The following DCLK2 variants were observed in gnomAD, a reference collection of about 807,000 sequenced individuals.
DCLK2 encodes doublecortin like kinase 2, also known as serine/threonine-protein kinase DCLK2.
A neutral mutation model predicts 78.4 loss-of-function variants in DCLK2; 31 were observed. That is an observed-to-expected ratio of 0.40 (90% confidence interval 0.30 to 0.53). The LOEUF is 0.53. DCLK2 is among the 20% of genes least tolerant of loss of function. The pLI, the probability that DCLK2 is intolerant of heterozygous loss-of-function variation, is 0.61. For missense variants in DCLK2, 872 were observed against 973.7 expected (o/e 0.90, Z 1.39); for synonymous variants, 407 against 374.9 (o/e 1.09, Z -0.99).
chr4:150,250,264 C>G (rs1377792712), intron 15 of DCLK2, among the ~76,000 whole-genome samples: 1 of 152,074 alleles, frequency 6.6e-6, no homozygotes, highest in African/African-American at 2.4e-5. Flanking sequence ...TTTTTTCAGC[C>G]TTTTCTTCTT....
intron 2 of DCLK2, among the ~76,000 whole-genome samples, chr4:150,138,762 G>T (rs1733882359): frequency 6.6e-6 from 1 of 152,108 alleles, no homozygotes; most frequent in South Asian, 2.1e-4. Flanking sequence ...TGCCTCCTGG[G>T]TTCAAGCAAT....
At chr4:150,224,404 C>CAAAAAA in intron 7 of DCLK2, 97 bp from the exon 8 acceptor site, 1 of 916,118 alleles carries the variant, frequency 1.1e-6, no homozygotes, top group Non-Finnish European at 1.5e-6. Context: ...CTCATCTCTA[C>CAAAAAA]AAAAAAAAAA....
chr4:150,230,377 A>G (rs1741948039), intron 8 of DCLK2, among the ~76,000 whole-genome samples: 1 of 152,218 alleles, frequency 6.6e-6, no homozygotes, highest in South Asian at 2.1e-4. Context: ...TGAGGGGATT[A>G]TCTTACAGAT....
At chr4:150,248,181 G>T in intron 13 of DCLK2, 124 bp from the exon 14 acceptor site, 1 of 749,112 alleles carries the variant, frequency 1.3e-6, no homozygotes. Flanking sequence ...GTTTAGGTTT[G>T]AATCAGTTAG....
chr4:150,098,714 TGG>T (rs1730654910), intron 1 of DCLK2, among the ~76,000 whole-genome samples: 1 of 132,904 alleles, frequency 7.5e-6, no homozygotes. Context: ...TTTTTTTTTT[TGG>T]CAGAGTCTCA....
chr4:150,248,419 C>CTG, intron 14 of DCLK2, 34 bp downstream of exon 14: 1 of 1,559,570 alleles, frequency 6.4e-7, no homozygotes, highest in Non-Finnish European at 8.8e-7. Context: ...ATGGGCCTCA[C>CTG]TGTGCTCTGT....
At chr4:150,127,100 T>G (rs1732971655) in intron 2 of DCLK2, among the ~76,000 whole-genome samples, 1 of 152,206 alleles carries the variant, frequency 6.6e-6, no homozygotes. Flanking sequence ...GTATATGATC[T>G]CAATATATCT....
intron 1 of DCLK2, among the ~76,000 whole-genome samples, chr4:150,089,146 T>G (rs28661715): frequency 0.015 from 2,353 of 152,342 alleles, 53 homozygotes; most frequent in African/African-American, 0.054. Flanking sequence ...CAACCTGTAT[T>G]TCCCCTTCTC....
chr4:150,212,282 A>G (rs1009219772), intron 5 of DCLK2, among the ~76,000 whole-genome samples: 5 of 152,156 alleles, frequency 3.3e-5, no homozygotes, highest in African/African-American at 1.2e-4. Flanking sequence ...GATTTTCCAG[A>G]TTTGTGAAGT....
intron 2 of DCLK2, among the ~76,000 whole-genome samples, chr4:150,148,271 A>C (rs1428221246): frequency 6.6e-6 from 1 of 152,142 alleles, no homozygotes; most frequent in Admixed American, 6.5e-5. Flanking sequence ...GGGCTGAGGC[A>C]GGAGGATTGC....
chr4:150,161,517 A>G (rs1560822963), intron 2 of DCLK2, among the ~76,000 whole-genome samples: 1 of 152,210 alleles, frequency 6.6e-6, no homozygotes, highest in Non-Finnish European at 1.5e-5. Flanking sequence ...ATAATTTATA[A>G]GACATGAGAC....
At chr4:150,237,609 T>G (rs931833708) in intron 10 of DCLK2, among the ~76,000 whole-genome samples, 3 of 152,188 alleles carry the variant, frequency 2.0e-5, no homozygotes, top group African/African-American at 7.2e-5. Context: ...CCTGTAAAAC[T>G]TGGGGAATTA....
intron 2 of DCLK2, among the ~76,000 whole-genome samples, chr4:150,107,221 G>C (rs1304312025): frequency 6.6e-6 from 1 of 152,250 alleles, no homozygotes; most frequent in Non-Finnish European, 1.5e-5. Flanking sequence ...AGTGCTGCTT[G>C]TTTGAATAAA....
intron 2 of DCLK2, among the ~76,000 whole-genome samples, chr4:150,187,021 G>A (rs1002123607): frequency 6.6e-6 from 1 of 151,892 alleles, no homozygotes; most frequent in African/African-American, 2.4e-5. Flanking sequence ...TGTAATTTTA[G>A]CATAAAAATA....
Position 150,078,939 on chromosome 4 carries a change from G to A in DCLK2, c.-89G>A, listed in dbSNP as rs1399748310. ...GAGCCAGGTGTCCCGGCGCGTTAAG[G>A]GCCCTCGCAGTCAGACGTCCCTGCA... is the stretch of plus-strand genomic sequence containing the variant. On this transcript the variant is annotated 5_prime_UTR_variant, in exon 1 of 16. Coordinates refer to ENST00000296550, the MANE Select transcript of DCLK2 (RefSeq NM_001040260.4). 4 of 1,403,836 alleles carry A rather than the reference G, an allele frequency of 2.8e-6. No individual in the cohort carries two copies. 87.0% of individuals were successfully genotyped at this position (1,403,836 alleles called of 1,614,324 possible).
At chr4:150,122,414 T>A (rs1732615419) in intron 2 of DCLK2, among the ~76,000 whole-genome samples, 2 of 152,316 alleles carry the variant, frequency 1.3e-5, no homozygotes, top group South Asian at 4.1e-4. Context: ...CATGGAATAC[T>A]ATGCAGCCAT....
At chr4:150,111,257 A>C (rs1024902523) in intron 2 of DCLK2, among the ~76,000 whole-genome samples, 2 of 151,488 alleles carry the variant, frequency 1.3e-5, no homozygotes, top group Non-Finnish European at 2.9e-5. Context: ...AGCATTTTTT[A>C]ATATTTTTGT....
Position 150,171,830 on chromosome 4 carries a change from A to C in DCLK2, c.757-21308A>C, listed in dbSNP as rs74523970. 6.3e-3 allele frequency among the ~76,000 whole-genome samples: 953 copies of C among 152,352 alleles called. 8 individuals carry two copies. Among genetic ancestry groups the C allele is most frequent in the African/African-American group, 0.022 (904 of 41,580 alleles). On this transcript the variant is annotated intron_variant, in intron 2 of 15. Transcript: ENST00000296550. ...CTTAGTTCTTCCGTGATTATACTTGAATCCCTCACACTGGCTGGTCTACTC... is the reference window on the plus strand; with the variant it reads ...CTTAGTTCTTCCGTGATTATACTTGCATCCCTCACACTGGCTGGTCTACTC...
At chr4:150,114,622 A>G (rs1016501217) in intron 2 of DCLK2, among the ~76,000 whole-genome samples, 1 of 152,156 alleles carries the variant, frequency 6.6e-6, no homozygotes, top group Non-Finnish European at 1.5e-5. Context: ...TTCTCTGAAA[A>G]AGACTTTATT....
Sources: allele counts gnomAD v4.1 joint callset (sites outside exome capture counted in the v4.1 genomes callset), GRCh38; gene constraint gnomAD v4.1.1; transcripts MANE v1.5; gene names NCBI Gene and HGNC (gene_info 2026-07-23, HGNC 2026-07-21).